DRC11: variants seen among roughly 807,000 people sequenced by gnomAD.
DRC11 encodes the protein IQ and AAA domain-containing protein 1.
At chr2:236,335,784 A>G in the DRC11 span, among the ~76,000 whole-genome samples, 1 of 152,350 alleles carries the variant, frequency 6.6e-6, no homozygotes, top group South Asian at 2.1e-4. The surrounding 1 kb of genome is among the most constrained non-coding windows in gnomAD (Gnocchi z 5.6). Flanking sequence ...AGAAGAACGC[A>G]TGAGAGGAGA....
chr2:236,419,063 T>C, the DRC11 span: 2 of 1,445,582 alleles, frequency 1.4e-6, no homozygotes, highest in South Asian at 1.6e-5. This position sits in a 1 kb window ranked among gnomAD's most constrained non-coding sequence, Gnocchi z 4.8. Flanking sequence ...CCCAACAGAT[T>C]TGTAAATATC....
the DRC11 span, among the ~76,000 whole-genome samples, chr2:236,354,277 A>G: frequency 4.2e-5 from 5 of 119,152 alleles, no homozygotes; most frequent in Non-Finnish European, 7.3e-5. Context: ...GTGTGTGTGT[A>G]TGAGTTTATG....
chr2:236,356,928 ATATT>A, the DRC11 span, among the ~76,000 whole-genome samples: 3 of 142,644 alleles, frequency 2.1e-5, no homozygotes, highest in Non-Finnish European at 4.5e-5. Context: ...ATATTCATAT[ATATT>A]TATATATTAT....
the DRC11 span, among the ~76,000 whole-genome samples, chr2:236,392,572 CTGA>C: frequency 1.3e-4 from 20 of 151,904 alleles, no homozygotes; most frequent in Non-Finnish European, 2.6e-4. This position sits in a 1 kb window ranked among gnomAD's most constrained non-coding sequence, Gnocchi z 5.1. Context: ...AAAAAAACTG[CTGA>C]TGTAAAAATA....
At chr2:236,439,632 A>T in the DRC11 span, among the ~76,000 whole-genome samples, 9 of 152,276 alleles carry the variant, frequency 5.9e-5, no homozygotes, top group Admixed American at 3.9e-4. Flanking sequence ...TTTCCTAGGG[A>T]GATAATTACA....
chr2:236,391,051 C>T, the DRC11 span: 1 of 152,152 alleles, frequency 6.6e-6, no homozygotes, highest in East Asian at 1.9e-4. The surrounding 1 kb of genome is among the most constrained non-coding windows in gnomAD (Gnocchi z 4.5). Context: ...GTGCTCCACC[C>T]AGGTGCTGCA....
the DRC11 span, among the ~76,000 whole-genome samples, chr2:236,346,254 G>A: frequency 6.6e-6 from 1 of 152,210 alleles, no homozygotes; most frequent in Non-Finnish European, 1.5e-5. Context: ...CACCTATGTT[G>A]TGCCCAGCAT....
At chr2:236,417,559 C>CTT in the DRC11 span, among the ~76,000 whole-genome samples, 56 of 144,688 alleles carry the variant, frequency 3.9e-4, no homozygotes, top group Non-Finnish European at 5.2e-4. Flanking sequence ...GGATCATGAT[C>CTT]TTTTTTTTTT....
At chr2:236,352,970 C>A in the DRC11 span, among the ~76,000 whole-genome samples, 35 of 152,148 alleles carry the variant, frequency 2.3e-4, no homozygotes, top group African/African-American at 8.2e-4. The surrounding 1 kb of genome is among the most constrained non-coding windows in gnomAD (Gnocchi z 7.0). Context: ...ACTGCCCCCC[C>A]AGGGGTTCCA....
chr2:236,503,715 C>T, the DRC11 span: 2 of 1,550,078 alleles, frequency 1.3e-6, no homozygotes, highest in Non-Finnish European at 1.7e-6. The surrounding 1 kb of genome is among the most constrained non-coding windows in gnomAD (Gnocchi z 4.9). Context: ...TCCTGCTCCC[C>T]AGCTGTCCTG....
chr2:236,346,160 T>A, the DRC11 span, among the ~76,000 whole-genome samples: 1 of 132,892 alleles, frequency 7.5e-6, no homozygotes, highest in Admixed American at 7.3e-5. Flanking sequence ...GAACTCAGAA[T>A]CCCAAATTTT....
At chr2:236,410,743 A>C in the DRC11 span, among the ~76,000 whole-genome samples, 6 of 150,948 alleles carry the variant, frequency 4.0e-5, 1 homozygote, top group African/African-American at 1.5e-4. Context: ...ATAATGCCAC[A>C]TATCTACAAC....
the DRC11 span, among the ~76,000 whole-genome samples, chr2:236,473,955 T>C: frequency 6.6e-6 from 1 of 152,172 alleles, no homozygotes; most frequent in Non-Finnish European, 1.5e-5. This position sits in a 1 kb window ranked among gnomAD's most constrained non-coding sequence, Gnocchi z 4.8. Flanking sequence ...GTCAATGATT[T>C]CTACATTGGT....
At chr2:236,328,747 G>A in the DRC11 span, among the ~76,000 whole-genome samples, 4 of 152,126 alleles carry the variant, frequency 2.6e-5, no homozygotes, top group South Asian at 4.1e-4. This position sits in a 1 kb window ranked among gnomAD's most constrained non-coding sequence, Gnocchi z 6.7. Flanking sequence ...TCGAGACCCC[G>A]TACAGAATAT....
the DRC11 span, chr2:236,408,521 C>T: frequency 2.7e-6 from 2 of 732,976 alleles, no homozygotes; most frequent in Admixed American, 1.8e-5. This position sits in a 1 kb window ranked among gnomAD's most constrained non-coding sequence, Gnocchi z 5.5. Context: ...CCTCTGTTCA[C>T]CTGGATCTCC....
chr2:236,319,020 G>C, the DRC11 span, among the ~76,000 whole-genome samples: 9 of 152,196 alleles, frequency 5.9e-5, no homozygotes, highest in Non-Finnish European at 1.3e-4. The surrounding 1 kb of genome is among the most constrained non-coding windows in gnomAD (Gnocchi z 6.7). Flanking sequence ...AAACAGAGCA[G>C]AGTGAAATGA....
the DRC11 span, among the ~76,000 whole-genome samples, chr2:236,369,477 A>T: frequency 2.0e-5 from 3 of 152,192 alleles, no homozygotes; most frequent in Non-Finnish European, 2.9e-5. The surrounding 1 kb of genome is among the most constrained non-coding windows in gnomAD (Gnocchi z 4.5). Context: ...TTTAGCCTCC[A>T]CTAGAATAGA....
the DRC11 span, chr2:236,407,710 C>A: frequency 1.9e-3 from 497 of 268,188 alleles, 17 homozygotes; most frequent in South Asian, 0.021. Flanking sequence ...TCATTTCCCC[C>A]CTGTGATCCT....
At chr2:236,366,825 T>G in the DRC11 span, among the ~76,000 whole-genome samples, 1 of 107,302 alleles carries the variant, frequency 9.3e-6, no homozygotes, top group African/African-American at 3.2e-5. Flanking sequence ...TCTCTCTTTC[T>G]CTCTCTCTCT....
Sources: gnomAD v4.1 joint callset for allele counts (sites outside exome capture counted in the v4.1 genomes callset) on GRCh38, gnomAD v4.1.1 for gene constraint, Gnocchi (gnomAD v3.1) non-coding constraint, MANE v1.5 for transcripts, NCBI Gene and HGNC (gene_info 2026-07-23, HGNC 2026-07-21) for gene names.